GHR: variants seen among roughly 807,000 people sequenced by gnomAD.
The protein encoded by GHR is growth hormone receptor, also known as GH receptor.
A neutral mutation model predicts 67.1 loss-of-function variants in GHR; 35 were observed. The ratio of observed to expected loss-of-function variants is 0.52; its 90% CI spans 0.40 to 0.69. The LOEUF (loss-of-function observed/expected upper bound fraction) is 0.69, where lower values mean the gene tolerates loss of function less well. GHR is among the 30% of genes least tolerant of loss of function. The pLI is 0.00. For synonymous variants in GHR, 272 were observed against 269.1 expected, an observed-to-expected ratio of 1.01 and a Z score of -0.10; for missense variants, 792 against 764.6, an observed-to-expected ratio of 1.04 and a Z score of -0.42.
intron 3 of GHR, among the ~76,000 whole-genome samples, chr5:42,647,238 G>T (rs1426096089): frequency 6.6e-6 from 1 of 151,996 alleles, no homozygotes; most frequent in East Asian, 1.9e-4. Flanking sequence ...GAATAAAATT[G>T]ATTAGCCAAT....
At chr5:42,718,308 G>A in intron 9 of GHR, 145 bp from the exon 10 acceptor site, 4 of 742,764 alleles carry the variant, frequency 5.4e-6, no homozygotes, top group Non-Finnish European at 8.9e-6. Flanking sequence ...TATTTAAAAA[G>A]TTACACACTA....
At position 42,718,653 on chromosome 5, in the gene GHR, C is replaced by T. The variant is rs533441671; in HGVS notation, c.1146C>T (p.Gly382=). 91 of 1,614,036 alleles carry T rather than the reference C, an allele frequency of 5.6e-5. No homozygotes were observed. Among genetic ancestry groups the T allele is most frequent in the South Asian group, 3.8e-4 (35 of 91,070 alleles). ...KSHSNLGVKD[G]DSGRTSCCEP... ...ATAGTAACCTAGGGGTGAAGGATGG[C>T]GACTCTGGACGTACCAGCTGTTGTG... Residue 382 remains glycine, a synonymous_variant, in exon 10 of 10, where the codon GGC becomes GGT. Coordinates refer to ENST00000230882, the MANE Select transcript of GHR (RefSeq NM_000163.5).
chr5:42,667,125 A>T (rs1230070242), intron 3 of GHR, among the ~76,000 whole-genome samples: 3 of 152,048 alleles, frequency 2.0e-5, no homozygotes, highest in Non-Finnish European at 4.4e-5. Flanking sequence ...ATATATTTGA[A>T]ATTGCAACTT....
chr5:42,658,130 T>A lies in GHR; in HGVS notation c.136+29027T>A, dbSNP rs191195141. Among the ~76,000 whole-genome samples the A allele has an allele frequency of 1.1e-3, 167 of 152,224 alleles. 2 individuals carry two copies. In the East Asian group the frequency reaches 0.028, roughly 26 times the overall value. ...AAGTACAAAACTATCTCAAATCAAG[T>A]ACAGGACTCTTAATTATTACTAGCT... On this transcript the variant is annotated intron_variant, in intron 3 of 9. Coordinates refer to ENST00000230882, the MANE Select transcript of GHR (RefSeq NM_000163.5).
chr5:42,703,475 T>A (rs1279743913), intron 6 of GHR, among the ~76,000 whole-genome samples: 2 of 151,998 alleles, frequency 1.3e-5, no homozygotes, highest in Non-Finnish European at 2.9e-5. Context: ...GTTTTGAGGT[T>A]GGTAGAGTGA....
rs564939548 is a variant in GHR, at chr5:42,477,180, G to A, written c.-12+53225G>A. On this transcript the variant is annotated intron_variant, in intron 1 of 9. Coordinates refer to ENST00000230882, the MANE Select transcript of GHR (RefSeq NM_000163.5). ...ACTTTGCTGAGAATGATGGTTTCCA[G>A]TTTCATCCATGTCCCTACAAAGGAC... is the stretch of plus-strand genomic sequence containing the variant. 4.6e-5 allele frequency among the ~76,000 whole-genome samples: 7 copies of A among 151,850 alleles called. No homozygotes were observed. The East Asian group carries it at 1.4e-3, about 30-fold the overall frequency.
chr5:42,552,587 C>T (rs1749092983), intron 1 of GHR, among the ~76,000 whole-genome samples: 1 of 152,112 alleles, frequency 6.6e-6, no homozygotes, highest in Non-Finnish European at 1.5e-5. Context: ...ACTCTAGGGG[C>T]CTGATTTATC....
intron 2 of GHR, among the ~76,000 whole-genome samples, chr5:42,604,413 G>C (rs1254004575): frequency 6.6e-6 from 1 of 152,220 alleles, no homozygotes; most frequent in Admixed American, 6.5e-5. Flanking sequence ...TCCAGGGAAT[G>C]GGGCAGGACC....
At chr5:42,628,831 G>A (rs1753825021) in intron 2 of GHR, among the ~76,000 whole-genome samples, 1 of 130,586 alleles carries the variant, frequency 7.7e-6, no homozygotes, top group South Asian at 2.4e-4. Flanking sequence ...CATTAATGCT[G>A]GTCACTTGTG....
At chr5:42,614,102 A>G (rs182580417) in intron 2 of GHR, among the ~76,000 whole-genome samples, 10 of 152,236 alleles carry the variant, frequency 6.6e-5, no homozygotes, top group Non-Finnish European at 1.0e-4. Context: ...AAGTCCCTCC[A>G]TACACAATTT....
intron 1 of GHR, among the ~76,000 whole-genome samples, chr5:42,450,249 C>T (rs973271204): frequency 1.3e-5 from 2 of 152,080 alleles, no homozygotes; most frequent in East Asian, 3.8e-4. Context: ...GAATCCATCG[C>T]TCTTGGACTT....
chr5:42,504,972 A>G (rs1746698510), intron 1 of GHR, among the ~76,000 whole-genome samples: 1 of 152,132 alleles, frequency 6.6e-6, no homozygotes, highest in Non-Finnish European at 1.5e-5. Flanking sequence ...ATTGCTCCAG[A>G]TTTTTGAATG....
chr5:42,663,708 C>T (rs1451695747), intron 3 of GHR, among the ~76,000 whole-genome samples: 2 of 152,294 alleles, frequency 1.3e-5, no homozygotes, highest in East Asian at 3.9e-4. Flanking sequence ...CCTCTCTCAC[C>T]ACTCCTATTC....
At chr5:42,437,531 A>T (rs1743380991) in intron 1 of GHR, among the ~76,000 whole-genome samples, 1 of 100,576 alleles carries the variant, frequency 9.9e-6, no homozygotes, top group Non-Finnish European at 2.3e-5. Context: ...TTATTTTTAT[A>T]TTTATTTATT....
chr5:42,647,574 CAAAA>C (rs36110641), intron 3 of GHR: 417 of 324,468 alleles, frequency 1.3e-3, no homozygotes, highest in East Asian at 2.1e-3. Flanking sequence ...ACTGCGTCTC[CAAAA>C]AAAAAAAAAA....
At chr5:42,540,699 G>A (rs1359890258) in intron 1 of GHR, among the ~76,000 whole-genome samples, 6 of 100,778 alleles carry the variant, frequency 6.0e-5, no homozygotes, top group South Asian at 3.6e-4. Context: ...ATCCACCACC[G>A]CCCCCGCTCT....
intron 3 of GHR, among the ~76,000 whole-genome samples, chr5:42,632,708 T>TG (rs33977987): frequency 0.32 from 48,561 of 152,048 alleles, 8,495 homozygotes; most frequent in African/African-American, 0.47. Context: ...TTCACATACG[T>TG]GGTAGCAGCA....
intron 1 of GHR, among the ~76,000 whole-genome samples, chr5:42,528,241 A>G (rs116010825): frequency 1.2e-3 from 181 of 152,318 alleles, no homozygotes; most frequent in African/African-American, 3.9e-3. Context: ...AGAAAAATAC[A>G]TTAAAAACCT....
chr5:42,638,214 C>A (rs539321222), intron 3 of GHR, among the ~76,000 whole-genome samples: 1 of 152,076 alleles, frequency 6.6e-6, no homozygotes, highest in South Asian at 2.1e-4. Context: ...CTATACTGCC[C>A]CCTCAGTATA....
Sources: gnomAD v4.1 joint callset for allele counts (sites outside exome capture counted in the v4.1 genomes callset) on GRCh38, gnomAD v4.1.1 for gene constraint, MANE v1.5 for transcripts, NCBI Gene and HGNC (gene_info 2026-07-23, HGNC 2026-07-21) for gene names.